The following CYP4F3 variants were observed in gnomAD, a reference collection of about 807,000 sequenced individuals.
CYP4F3 encodes cytochrome P450 4F3.
Under a neutral mutation model 54.8 loss-of-function variants are expected in CYP4F3, and 50 were observed. The observed-to-expected ratio is 0.91, with a 90% CI of 0.73 to 1.16. CYP4F3 has a LOEUF of 1.16. Ranked by LOEUF, CYP4F3 falls within the 50% of genes most tolerant of loss-of-function variation. The pLI is 0.00. For synonymous variants in CYP4F3, 244 were observed against 262.6 expected, an observed-to-expected ratio of 0.93 and a Z score of 0.69; for missense variants, 715 against 676.2, an observed-to-expected ratio of 1.06 and a Z score of -0.64.
chr19:15,642,884 A>AGATGGATG (rs29001545), intron 2 of CYP4F3, among the ~76,000 whole-genome samples: 38 of 150,868 alleles, frequency 2.5e-4, no homozygotes, highest in Admixed American at 1.8e-3. Context: ...TGCATGGATA[A>AGATGGATG]GATGGATGGA....
chr19:15,641,448 T>C lies in CYP4F3; in HGVS notation c.33T>C (p.Leu11=). MPQLSLSSLG[L]WPMAASPWLL... is the part of the protein sequence containing the mutation. ...AGCTGAGCCTGTCCTCGCTGGGCCT[T>C]TGGCCAATGGCAGCATCCCCGTGGC... Residue 11 remains leucine, a synonymous_variant, in exon 2 of 13, where the codon CTT becomes CTC. Coordinates refer to ENST00000221307, the MANE Select transcript of CYP4F3 (RefSeq NM_000896.3). The C allele has an allele frequency of 6.2e-7, 1 of 1,614,208 alleles. No individual in the cohort carries two copies. The highest frequency in any genetic ancestry group is 8.5e-7 in the Non-Finnish European group (1 of 1,180,040).
chr19:15,641,345 CT>C, intron 1 of CYP4F3, 69 bp from the exon 2 acceptor site: 12 of 1,572,974 alleles, frequency 7.6e-6, no homozygotes, highest in Non-Finnish European at 1.0e-5. Context: ...CCTCTCTCCA[CT>C]GTCCCTGGAG....
At position 15,658,530 on chromosome 19, in the gene CYP4F3, A is replaced by G. The variant is rs981533704; in HGVS notation, c.1289A>G (p.Asn430Ser). 1 of 1,614,036 alleles carries G rather than the reference A, an allele frequency of 6.2e-7. No individual in the cohort carries two copies. Among genetic ancestry groups the G allele is most frequent in the Non-Finnish European group, 8.5e-7 (1 of 1,179,988 alleles). ...ATCAGTGTTTTTGGAACCCATCACA[A>G]CCCAGCCGTGTGGCCGGACCCTGAG... ...CLISVFGTHH[N>S]PAVWPDPEVY... Residue 430 changes from asparagine to serine, a missense_variant, in exon 11 of 13, where the codon AAC becomes AGC. By Grantham distance (46) the Asn-to-Ser change is conservative (BLOSUM62 1). Transcript: ENST00000221307.
rs1972751072 is a variant in CYP4F3, at chr19:15,650,142, T to G, written c.877T>G (p.Ser293Ala). ...VDDFLQAKAKSKTLDFIDVLL... is the reference protein window; with the variant it reads ...VDDFLQAKAKAKTLDFIDVLL... ...TGACTTCCTCCAAGCCAAGGCCAAA[T>G]CCAAGACTTTGGACTTCATTGATGT... The change falls in exon 7 of 13, where the codon TCC becomes GCC. Residue 293 changes from serine (S) to alanine (A), a missense_variant. Coordinates refer to ENST00000221307, the MANE Select transcript of CYP4F3 (RefSeq NM_000896.3). The G allele has an allele frequency of 1.2e-6, 2 of 1,614,162 alleles. No individual in the cohort carries two copies. Among genetic ancestry groups the G allele is most frequent in the East Asian group, 4.5e-5 (2 of 44,878 alleles).
rs913764944 is a variant in CYP4F3, at chr19:15,641,212, C to T, written c.-1-203C>T. 13 of 600,836 alleles carry T rather than the reference C, an allele frequency of 2.2e-5. No individual in the cohort carries two copies. In the Admixed American group the frequency reaches 2.7e-4, roughly 12 times the overall value. The allele number at this position is 600,836 out of a possible 1,614,324, so 37.2% of individuals were successfully genotyped here. A position where few individuals can be genotyped will look rare whatever the true frequency, so the allele number is the denominator to read the frequency against. Reference sequence around the variant, plus strand: ...TGTCTTTCTCAATCTAAGTGCTTACCGGGTAACTGGAGGCCACTTGGTTGC... The same window carrying T: ...TGTCTTTCTCAATCTAAGTGCTTACTGGGTAACTGGAGGCCACTTGGTTGC... On this transcript the variant is annotated intron_variant, in intron 1 of 12. Coordinates refer to ENST00000221307, the MANE Select transcript of CYP4F3 (RefSeq NM_000896.3).
intron 9 of CYP4F3, among the ~76,000 whole-genome samples, chr19:15,655,168 T>G (rs1307818414): frequency 6.6e-6 from 1 of 152,230 alleles, no homozygotes; most frequent in East Asian, 1.9e-4. Context: ...ATTTGTATGT[T>G]TTATTTTAAG....
At chr19:15,657,641 C>T (rs150271226) in intron 9 of CYP4F3, among the ~76,000 whole-genome samples, 1 of 133,118 alleles carries the variant, frequency 7.5e-6, no homozygotes, top group Non-Finnish European at 1.6e-5. Flanking sequence ...TTTCCCATAA[C>T]TTTACCAATA....
intron 6 of CYP4F3, among the ~76,000 whole-genome samples, chr19:15,649,518 C>T (rs1972725133): frequency 6.6e-6 from 1 of 152,064 alleles, no homozygotes. Context: ...TAATGTAGCA[C>T]TAAATGGAGT....
In CYP4F3 at chr19:15,662,516, G is replaced by A. The variant is rs963263215; in HGVS notation, c.*3131G>A. 1 of 151,750 alleles carries A rather than the reference G, an allele frequency of 6.6e-6. No homozygotes were observed. Among genetic ancestry groups the A allele is most frequent in the African/African-American group, 2.4e-5 (1 of 41,260 alleles). 9.4% of individuals were successfully genotyped at this position (151,750 alleles called of 1,614,324 possible). A position where few individuals can be genotyped will look rare whatever the true frequency, so the allele number is the denominator to read the frequency against. On this transcript the variant is annotated 3_prime_UTR_variant, in exon 13 of 13. Coordinates refer to ENST00000221307, the MANE Select transcript of CYP4F3 (RefSeq NM_000896.3). ...TACATTTTTTCCCCAATAATTTTTG[G>A]CTATTCTGCTTCCTTTGTGTTTCTA...
At chr19:15,644,314 C>A (rs748309969) in intron 2 of CYP4F3, among the ~76,000 whole-genome samples, 1 of 152,112 alleles carries the variant, frequency 6.6e-6, no homozygotes, top group Non-Finnish European at 1.5e-5. Flanking sequence ...CCTGGAGGAA[C>A]CCCCAAGCTT....
chr19:15,658,460 A>T (rs4646514), intron 10 of CYP4F3, 31 bp from the exon 11 acceptor site: 2 of 1,613,836 alleles, frequency 1.2e-6, no homozygotes, highest in East Asian at 2.2e-5. Flanking sequence ...GGCAGGGAGC[A>T]TTGTCCTGAC....
At chr19:15,656,497 CTAT>C in intron 9 of CYP4F3, among the ~76,000 whole-genome samples, 3 of 73,820 alleles carry the variant, frequency 4.1e-5, no homozygotes, top group Non-Finnish European at 7.3e-5. Context: ...ATCTATCTAT[CTAT>C]CTATCTATCT....
In CYP4F3 at chr19:15,660,407, A is replaced by C. The variant is rs961559071; in HGVS notation, c.*1022A>C. 5 of 152,178 alleles carry C rather than the reference A, an allele frequency of 3.3e-5. No homozygotes were observed. The highest frequency in any genetic ancestry group is 6.5e-5 in the Admixed American group (1 of 15,284). The allele number at this position is 152,178 out of a possible 1,614,324, so 9.4% of individuals were successfully genotyped here. ...CTTTTCTAGAACAGGCATGCCCTGC[A>C]AACTCCACAGACACTGACTGTTTTT... On this transcript the variant is annotated 3_prime_UTR_variant, in exon 13 of 13. Transcript: ENST00000221307.
intron 2 of CYP4F3, among the ~76,000 whole-genome samples, chr19:15,642,979 A>G (rs147169786): frequency 1.1e-4 from 16 of 151,940 alleles, no homozygotes; most frequent in Admixed American, 2.6e-4. Context: ...AGATAGGTAG[A>G]GTGGATATGT....
chr19:15,653,363 C>A (rs1795727471), intron 9 of CYP4F3, among the ~76,000 whole-genome samples: 1 of 152,190 alleles, frequency 6.6e-6, no homozygotes, highest in African/African-American at 2.4e-5. Context: ...GGGTAAAATT[C>A]ATCCATTCTT....
chr19:15,643,402 GTAAATAGATAGATAGATAGATAGATAGA>G (rs1279492218), intron 2 of CYP4F3, among the ~76,000 whole-genome samples: 1 of 143,310 alleles, frequency 7.0e-6, no homozygotes, highest in Non-Finnish European at 1.5e-5. Context: ...ATATATATAG[GTAAATAGATAGATAGATAGATAGATAGA>G]TAGATAGATA....
In CYP4F3 at chr19:15,649,261, C is replaced by G. The variant is rs761475075; in HGVS notation, c.627C>G (p.Ser209Arg). Reference sequence around the variant, plus strand: ...ACAGTCTGCAGAAATGTGTCTTCAGCTTTGACAGCCATTGCCAGGAGTAAG... The same window carrying G: ...ACAGTCTGCAGAAATGTGTCTTCAGGTTTGACAGCCATTGCCAGGAGTAAG... ...TLDSLQKCVF[S>R]FDSHCQEKPS... The change falls in exon 6 of 13, where the codon AGC becomes AGG. Residue 209 changes from serine to arginine, a missense_variant. By Grantham distance (110) the Ser-to-Arg change is moderately radical. Coordinates refer to ENST00000221307, the MANE Select transcript of CYP4F3 (RefSeq NM_000896.3). The G allele has an allele frequency of 1.2e-5, 20 of 1,613,224 alleles. No homozygotes were observed. Among genetic ancestry groups the G allele is most frequent in the South Asian group, 1.1e-4 (10 of 91,064 alleles).
intron 9 of CYP4F3, among the ~76,000 whole-genome samples, chr19:15,656,728 T>TTATCTATCTATC (rs1555743688): frequency 0.062 from 8,932 of 143,858 alleles, 301 homozygotes; most frequent in Admixed American, 0.068. Flanking sequence ...TATCATCTAT[T>TTATCTATCTATC]TATCTATCTA....
chr19:15,662,560 T>A lies in CYP4F3; in HGVS notation c.*3175T>A, dbSNP rs377617483. 1 of 152,192 alleles carries A rather than the reference T, an allele frequency of 6.6e-6. No individual in the cohort carries two copies. The highest frequency in any genetic ancestry group is 1.5e-5 in the Non-Finnish European group (1 of 68,046). The allele number at this position is 152,192 out of a possible 1,614,324, so 9.4% of individuals were successfully genotyped here. ...GTTTCTATGTAAATTTTATCATCAG[T>A]GTGTCTATTTCTACAAATAGTCCTG... On this transcript the variant is annotated 3_prime_UTR_variant, in exon 13 of 13. Transcript: ENST00000221307.
Sources: gnomAD v4.1 joint callset for allele counts (sites outside exome capture counted in the v4.1 genomes callset) on GRCh38, gnomAD v4.1.1 for gene constraint, MANE v1.5 for transcripts, NCBI Gene and HGNC (gene_info 2026-07-23, HGNC 2026-07-21) for gene names.